Variants in SCMH1 observed in about 807,000 individuals in gnomAD.
SCMH1 encodes the protein polycomb protein SCMH1.
Under a neutral mutation model 70.8 loss-of-function variants are expected in SCMH1, and 37 were observed. The ratio of observed to expected loss-of-function variants is 0.52; its 90% confidence interval spans 0.40 to 0.69. SCMH1 has a LOEUF of 0.69. Among genes scored for constraint, SCMH1 ranks in the 30% least tolerant of loss-of-function variants. The probability of loss-of-function intolerance (pLI) is 0.00; values close to 1 mark genes in which losing one functional copy is unlikely to be tolerated. For missense variants in SCMH1, 607 were observed against 827.3 expected, an observed-to-expected ratio of 0.73 and a Z score of 3.27; for synonymous variants, 292 against 307.4, an observed-to-expected ratio of 0.95 and a Z score of 0.52.
intron 13 of SCMH1, among the ~76,000 whole-genome samples, chr1:41,036,520 T>G (rs1645320555): frequency 6.6e-6 from 1 of 152,218 alleles, no homozygotes; most frequent in Admixed American, 6.5e-5. Flanking sequence ...CCTTTGTCAC[T>G]TCAGATCTGG....
chr1:41,195,350 C>T (rs1296659488), intron 1 of SCMH1, among the ~76,000 whole-genome samples: 1 of 151,540 alleles, frequency 6.6e-6, no homozygotes, highest in Non-Finnish European at 1.5e-5. Flanking sequence ...AATTTAGTAG[C>T]ATAGTAAGAG....
At chr1:41,095,483 A>G (rs529657849) in intron 8 of SCMH1, among the ~76,000 whole-genome samples, 1 of 152,316 alleles carries the variant, frequency 6.6e-6, no homozygotes, top group African/African-American at 2.4e-5. Flanking sequence ...AAAATTAGAC[A>G]TATTTCCTCT....
chr1:41,040,347 T>TA (rs1408874298), intron 12 of SCMH1, among the ~76,000 whole-genome samples: 1 of 152,010 alleles, frequency 6.6e-6, no homozygotes, highest in African/African-American at 2.4e-5. Flanking sequence ...CCTTAAAAAT[T>TA]AGAGTTCCCA....
intron 1 of SCMH1, among the ~76,000 whole-genome samples, chr1:41,240,622 T>C (rs1663307585): frequency 6.6e-6 from 1 of 152,082 alleles, no homozygotes; most frequent in Non-Finnish European, 1.5e-5. Context: ...AACATTTTGA[T>C]GTACATTAGT....
At chr1:41,085,834 CCTG>C (rs1281841129) in intron 8 of SCMH1, among the ~76,000 whole-genome samples, 2 of 141,180 alleles carry the variant, frequency 1.4e-5, no homozygotes, top group African/African-American at 5.4e-5. Context: ...ATTAATTTCA[CCTG>C]CTTTTTTTTT....
intron 1 of SCMH1, among the ~76,000 whole-genome samples, chr1:41,228,742 A>T (rs1660748250): frequency 7.1e-6 from 1 of 141,110 alleles, no homozygotes; most frequent in African/African-American, 2.5e-5. Context: ...CAAGATCCTG[A>T]CTTGGGGAAA....
At chr1:41,160,439 TTTTA>T (rs1209372657) in intron 4 of SCMH1, among the ~76,000 whole-genome samples, 9 of 152,220 alleles carry the variant, frequency 5.9e-5, no homozygotes, top group East Asian at 1.9e-4. Flanking sequence ...ATATTTCAGT[TTTTA>T]TTTGTCAATA....
In SCMH1 at chr1:41,113,541, G is replaced by A; in HGVS notation, c.502-15C>T. On this transcript the variant is annotated splice_polypyrimidine_tract_variant and intron_variant, in intron 7 of 14. Coordinates refer to ENST00000337495, the Ensembl canonical transcript of SCMH1. This position sits in a 1 kb window ranked among gnomAD's most constrained non-coding sequence, Gnocchi z 4.3. ...GATGGTGGCTCCTAGATGAGAAACA[G>A]AAACATACACACCTAGACACAAAGA... The A allele has an allele frequency of 6.2e-7, 1 of 1,608,446 alleles. No homozygotes were observed. Among genetic ancestry groups the A allele is most frequent in the Non-Finnish European group, 8.5e-7 (1 of 1,177,424 alleles).
intron 7 of SCMH1, 83 bp downstream of exon 7, chr1:41,116,839 G>T: frequency 2.7e-6 from 3 of 1,095,764 alleles, no homozygotes; most frequent in Non-Finnish European, 3.9e-6. Flanking sequence ...GGCATCTTCA[G>T]GCCATAAGTA....
chr1:41,214,709 C>A (rs1657733362), intron 1 of SCMH1, among the ~76,000 whole-genome samples: 1 of 151,990 alleles, frequency 6.6e-6, no homozygotes, highest in Non-Finnish European at 1.5e-5. Flanking sequence ...AACAGGGCTC[C>A]AATCTTTTCC....
At chr1:41,064,255 A>G (rs1653803707) in intron 10 of SCMH1, among the ~76,000 whole-genome samples, 1 of 152,220 alleles carries the variant, frequency 6.6e-6, no homozygotes, top group Non-Finnish European at 1.5e-5. Flanking sequence ...AACTTAATAA[A>G]TAACATCTAC....
intron 8 of SCMH1, among the ~76,000 whole-genome samples, chr1:41,086,042 C>T (rs940364748): frequency 1.3e-5 from 2 of 151,926 alleles, no homozygotes; most frequent in Admixed American, 1.3e-4. Context: ...GGTTTCACCA[C>T]ATTGGCCAGG....
chr1:41,086,067 C>T (rs1661570765), intron 8 of SCMH1, among the ~76,000 whole-genome samples: 1 of 152,088 alleles, frequency 6.6e-6, no homozygotes, highest in Non-Finnish European at 1.5e-5. Context: ...TCTCGATCTC[C>T]TGACCTTGTG....
At chr1:41,158,767 T>C (rs1183061957) in intron 4 of SCMH1, among the ~76,000 whole-genome samples, 1 of 151,986 alleles carries the variant, frequency 6.6e-6, no homozygotes, top group Non-Finnish European at 1.5e-5. Flanking sequence ...AAAAGACTAG[T>C]TAGGAAGCTG....
rs555156484 is a variant in SCMH1 at position 41,084,532 on chromosome 1, C to T, written c.746-9081G>A. 6.9e-4 allele frequency among the ~76,000 whole-genome samples: 105 copies of T among 152,124 alleles called. 1 individual carries two copies. The East Asian group carries it at 7.0e-3, about 10-fold the overall frequency. The stretch of plus-strand genomic sequence containing the variant: ...GAACACTTTTACACTGTTGGTGGTA[C>T]GGTAAACTAGTTCAACCCTTGTGGA... On this transcript the variant is annotated intron_variant, in intron 8 of 14. Coordinates refer to ENST00000337495, the Ensembl canonical transcript of SCMH1.
intron 13 of SCMH1, among the ~76,000 whole-genome samples, chr1:41,030,800 T>G (rs1456623385): frequency 6.6e-6 from 1 of 152,196 alleles, no homozygotes; most frequent in Non-Finnish European, 1.5e-5. Context: ...CATAAAAGAG[T>G]GCCTGGTCTG....
intron 12 of SCMH1, among the ~76,000 whole-genome samples, chr1:41,045,288 G>A (rs1032929220): frequency 6.6e-6 from 1 of 152,184 alleles, no homozygotes; most frequent in Non-Finnish European, 1.5e-5. Flanking sequence ...TCAGCCAGGG[G>A]ATCATAGAAA....
At chr1:41,178,413 TA>T (rs1449008116) in intron 2 of SCMH1, among the ~76,000 whole-genome samples, 1 of 152,186 alleles carries the variant, frequency 6.6e-6, no homozygotes, top group African/African-American at 2.4e-5. Flanking sequence ...GTAAATGGGC[TA>T]AATGCTCCAA....
chr1:41,175,082 C>T (rs559725641), intron 2 of SCMH1, among the ~76,000 whole-genome samples: 5 of 152,156 alleles, frequency 3.3e-5, no homozygotes, highest in Admixed American at 6.6e-5. Context: ...GGCTAAGGGA[C>T]GCCCAAATAG....
Sources: allele counts gnomAD v4.1 joint callset (sites outside exome capture counted in the v4.1 genomes callset), GRCh38; gene constraint gnomAD v4.1.1; non-coding constraint Gnocchi (gnomAD v3.1); transcripts MANE v1.5; gene names NCBI Gene and HGNC (gene_info 2026-07-23, HGNC 2026-07-21).